The following PTPN14 variants were observed in gnomAD, a reference collection of about 807,000 sequenced individuals.
The protein encoded by PTPN14 is protein tyrosine phosphatase non-receptor type 14, also known as tyrosine-protein phosphatase non-receptor type 14.
In PTPN14, 53 loss-of-function variants were observed where a neutral mutation model predicts 126.8. The observed-to-expected ratio is 0.42, with a 90% CI of 0.34 to 0.53. The LOEUF (loss-of-function observed/expected upper bound fraction) is 0.53. Among genes scored for constraint, PTPN14 ranks in the 20% least tolerant of loss-of-function variants. The pLI is 0.08. For missense variants in PTPN14, 1,257 were observed against 1,552.9 expected (o/e 0.81, Z 3.20); for synonymous variants, 630 against 599.3 (o/e 1.05, Z -0.75).
chr1:214,358,588 C>T (rs1657880558), intron 18 of PTPN14, among the ~76,000 whole-genome samples: 1 of 152,176 alleles, frequency 6.6e-6, no homozygotes, highest in Admixed American at 6.5e-5. Flanking sequence ...GATAATAATG[C>T]TTTCCTCTAA....
intron 7 of PTPN14, among the ~76,000 whole-genome samples, chr1:214,399,285 C>A (rs1176654243): frequency 6.6e-6 from 1 of 152,126 alleles, no homozygotes; most frequent in Non-Finnish European, 1.5e-5. Flanking sequence ...AGGAACTCAC[C>A]CACCACACAT....
chr1:214,519,602 C>A (rs924252116), intron 1 of PTPN14, among the ~76,000 whole-genome samples: 2 of 152,196 alleles, frequency 1.3e-5, no homozygotes, highest in African/African-American at 2.4e-5. Context: ...TTAAACCAAT[C>A]CTGCCTAGCC....
At position 214,384,088 on chromosome 1, in the gene PTPN14, G is replaced by T; in HGVS notation, c.1767C>A (p.Tyr589Ter). The T allele has an allele frequency of 6.4e-7, 1 of 1,574,454 alleles. No homozygotes were observed. The change falls in exon 13 of 19, where the codon TAC becomes TAA. Residue 589 changes from tyrosine to a stop codon, truncating the protein, a stop_gained. Transcript: ENST00000366956. LOFTEE classifies it high-confidence loss of function. The surrounding 1 kb of genome is among the most constrained non-coding windows in gnomAD (Gnocchi z 5.3). ...TPDLASHRHKYVSGSSPDLVT... is the reference protein window; with the variant it reads ...TPDLASHRHK Reference sequence around the variant, plus strand: ...CCAGGTCCGGGCTGCTGCCGCTGACGTACTTGTGGCGGTGGCTGGCCAGGT... The same window carrying T: ...CCAGGTCCGGGCTGCTGCCGCTGACTTACTTGTGGCGGTGGCTGGCCAGGT...
At chr1:214,427,766 C>T (rs932146380) in intron 3 of PTPN14, among the ~76,000 whole-genome samples, 28 of 151,850 alleles carry the variant, frequency 1.8e-4, no homozygotes, top group Admixed American at 1.7e-3. Flanking sequence ...CTAATAAAAG[C>T]GAACTCTGAG....
At position 214,514,288 on chromosome 1, in the gene PTPN14, C is replaced by T. The variant is rs144359019; in HGVS notation, c.-155+36895G>A. Among the ~76,000 whole-genome samples the T allele has an allele frequency of 5.3e-4, 81 of 152,256 alleles. 1 individual carries two copies. In the East Asian group the frequency reaches 0.014, roughly 27 times the overall value. On this transcript the variant is annotated intron_variant, in intron 1 of 18. Coordinates refer to ENST00000366956, the MANE Select transcript of PTPN14 (RefSeq NM_005401.5). Reference sequence around the variant, plus strand: ...AACCTAGTGCTTGAAAGCCCTCAAACGCTCTACAAAGATATCATGAAGCCA... The same window carrying T: ...AACCTAGTGCTTGAAAGCCCTCAAATGCTCTACAAAGATATCATGAAGCCA...
At chr1:214,452,438 T>C (rs150956189) in intron 2 of PTPN14, among the ~76,000 whole-genome samples, 2,179 of 152,338 alleles carry the variant, frequency 0.014, 25 homozygotes, top group Non-Finnish European at 0.02. Flanking sequence ...GCTTCTGCAC[T>C]GTAGAATATT....
chr1:214,483,547 G>C (rs556935994), intron 1 of PTPN14, among the ~76,000 whole-genome samples: 2 of 152,194 alleles, frequency 1.3e-5, no homozygotes, highest in South Asian at 4.2e-4. Flanking sequence ...TTACTCTACT[G>C]CTATTTTTAT....
intron 1 of PTPN14, among the ~76,000 whole-genome samples, chr1:214,512,675 G>GT (rs1485689042): frequency 6.6e-6 from 1 of 152,102 alleles, no homozygotes; most frequent in African/African-American, 2.4e-5. Flanking sequence ...TCACTACAAT[G>GT]TTTTTAGATG....
chr1:214,509,689 G>A (rs555040472), intron 1 of PTPN14, among the ~76,000 whole-genome samples: 79 of 152,292 alleles, frequency 5.2e-4, no homozygotes, highest in African/African-American at 1.6e-3. Context: ...ACATGCACAT[G>A]TATGTTTATT....
intron 2 of PTPN14, among the ~76,000 whole-genome samples, chr1:214,454,894 T>C (rs891702849): frequency 6.6e-6 from 1 of 152,316 alleles, no homozygotes. Flanking sequence ...TTGTATCTAC[T>C]CACAGCCAGA....
intron 4 of PTPN14, among the ~76,000 whole-genome samples, chr1:214,414,114 A>G (rs978584754): frequency 1.3e-5 from 2 of 152,224 alleles, no homozygotes; most frequent in Non-Finnish European, 2.9e-5. Context: ...ATGTAATATA[A>G]ACCTTTATAG....
intron 3 of PTPN14, among the ~76,000 whole-genome samples, chr1:214,419,263 G>A (rs1473046870): frequency 2.0e-5 from 3 of 152,158 alleles, no homozygotes; most frequent in Non-Finnish European, 4.4e-5. Context: ...CTACCAACCT[G>A]CAGAATCATT....
intron 10 of PTPN14, among the ~76,000 whole-genome samples, chr1:214,392,194 AAGAGAGAGAG>A (rs981847649): frequency 2.0e-5 from 3 of 151,364 alleles, no homozygotes; most frequent in Non-Finnish European, 4.4e-5. Context: ...GAGAGAGAGA[AAGAGAGAGAG>A]AGAGCGAGAG....
At chr1:214,359,971 G>A (rs949720552) in intron 18 of PTPN14, among the ~76,000 whole-genome samples, 15 of 152,280 alleles carry the variant, frequency 9.9e-5, no homozygotes, top group African/African-American at 3.6e-4. Flanking sequence ...CTGTCACAGT[G>A]TCCTCTCCCC....
chr1:214,437,347 T>C (rs1020890497), intron 3 of PTPN14, among the ~76,000 whole-genome samples: 1 of 151,982 alleles, frequency 6.6e-6, no homozygotes, highest in Non-Finnish European at 1.5e-5. Flanking sequence ...GCAGAAACAG[T>C]GGGAAGTTGT....
chr1:214,376,817 G>A (rs1216042931), intron 14 of PTPN14, among the ~76,000 whole-genome samples: 1 of 152,120 alleles, frequency 6.6e-6, no homozygotes, highest in Admixed American at 6.5e-5. Context: ...CTATAGCTCT[G>A]AGGATTAAAT....
chr1:214,413,694 A>C (rs1372288244), intron 4 of PTPN14, among the ~76,000 whole-genome samples: 1 of 152,176 alleles, frequency 6.6e-6, no homozygotes, highest in East Asian at 1.9e-4. Flanking sequence ...TTTGAGACAG[A>C]GTCTAGCTTT....
chr1:214,445,654 T>C (rs536353139), intron 3 of PTPN14, among the ~76,000 whole-genome samples: 2 of 152,292 alleles, frequency 1.3e-5, no homozygotes, highest in South Asian at 2.1e-4. Flanking sequence ...TTAAGTTTTC[T>C]TTTAAAAGTT....
rs2102652682 is a variant in PTPN14, at chr1:214,464,974, A to C, written c.-154-17T>G. On this transcript the variant is annotated splice_polypyrimidine_tract_variant and intron_variant, in intron 1 of 18. Coordinates refer to ENST00000366956, the MANE Select transcript of PTPN14 (RefSeq NM_005401.5). ...GGAAGATAGCTGTAAATGCAAAAGA[A>C]ATGCCATGGTCATGCTCCAGAAGGG... is the stretch of plus-strand genomic sequence containing the variant. The C allele has an allele frequency of 1.2e-5, 9 of 765,856 alleles. No homozygotes were observed. Among genetic ancestry groups the C allele is most frequent in the East Asian group, 2.8e-5 (1 of 35,464 alleles). The allele number at this position is 765,856 out of a possible 1,614,324, so 47.4% of individuals were successfully genotyped here.
Sources: allele counts gnomAD v4.1 joint callset (sites outside exome capture counted in the v4.1 genomes callset), GRCh38; gene constraint gnomAD v4.1.1; non-coding constraint Gnocchi (gnomAD v3.1); transcripts MANE v1.5; gene names NCBI Gene and HGNC (gene_info 2026-07-23, HGNC 2026-07-21).